Variants in ASIC2 observed in about 807,000 individuals in gnomAD.
The protein encoded by ASIC2 is acid-sensing ion channel 2.
A neutral mutation model predicts 57.3 loss-of-function variants in ASIC2; 25 were observed. The observed-to-expected ratio is 0.44, with a 90% CI of 0.32 to 0.61. ASIC2 has a LOEUF of 0.61. Among genes scored for constraint, ASIC2 ranks in the 20% least tolerant of loss-of-function variants. The pLI is 0.06. For missense variants in ASIC2, 641 were observed against 738.1 expected (o/e 0.87, Z 1.52); for synonymous variants, 319 against 307.5 (o/e 1.04, Z -0.39).
rs373050988 is a variant in ASIC2 at position 34,039,271 on chromosome 17, ATC to A, written c.555+116705_555+116706del. On this transcript the variant is annotated intron_variant, in intron 1 of 9. Transcript: ENST00000359872. ...CTGGGTCTGTCTGTGCTGGATGGAG[ATC>A]TGTTTTTGGGAGCTGCAGGAATGCT... 2.3e-4 allele frequency: 373 copies of A among 1,613,516 alleles called. 1 individual carries two copies. The African/African-American group carries it at 4.6e-3, about 20-fold the overall frequency.
chr17:33,890,081 T>C (rs1021714650), intron 1 of ASIC2, among the ~76,000 whole-genome samples: 1 of 152,196 alleles, frequency 6.6e-6, no homozygotes, highest in Non-Finnish European at 1.5e-5. Context: ...CCACAAGTCG[T>C]TATTTAAATT....
chr17:33,494,646 A>G (rs960104797), intron 1 of ASIC2, among the ~76,000 whole-genome samples: 1 of 152,158 alleles, frequency 6.6e-6, no homozygotes, highest in Non-Finnish European at 1.5e-5. Flanking sequence ...GGTCACACTG[A>G]GGTAGGAGCA....
At chr17:33,351,100 A>G (rs1209067731) in intron 1 of ASIC2, among the ~76,000 whole-genome samples, 1 of 152,206 alleles carries the variant, frequency 6.6e-6, no homozygotes, top group Non-Finnish European at 1.5e-5. Flanking sequence ...TTGCTTATCA[A>G]ATATGTGACT....
chr17:33,737,838 G>A (rs576110998), intron 1 of ASIC2, among the ~76,000 whole-genome samples: 11 of 152,340 alleles, frequency 7.2e-5, no homozygotes, highest in Non-Finnish European at 1.3e-4. Context: ...AAAGTAACTT[G>A]TGAGTAGGAA....
At chr17:34,064,113 C>T (rs1909076108) in intron 1 of ASIC2, among the ~76,000 whole-genome samples, 2 of 152,172 alleles carry the variant, frequency 1.3e-5, no homozygotes, top group African/African-American at 4.8e-5. Flanking sequence ...ATCACACTAC[C>T]TGATTTCAAA....
intron 1 of ASIC2, among the ~76,000 whole-genome samples, chr17:33,596,995 C>T (rs1216052153): frequency 1.3e-5 from 2 of 152,220 alleles, no homozygotes; most frequent in Middle Eastern, 3.2e-3. Flanking sequence ...ACAGCTGGTG[C>T]TCTACAAACA....
intron 1 of ASIC2, among the ~76,000 whole-genome samples, chr17:33,630,106 GT>G (rs1906112982): frequency 6.6e-6 from 1 of 152,146 alleles, no homozygotes; most frequent in Non-Finnish European, 1.5e-5. Context: ...CCCCAGGGAT[GT>G]TTCTGCAACT....
upstream of ASIC2, among the ~76,000 whole-genome samples, chr17:33,295,614 T>C (rs1201934054): frequency 6.6e-6 from 1 of 152,214 alleles, no homozygotes; most frequent in African/African-American, 2.4e-5. Flanking sequence ...TGTCCAAGCC[T>C]TTCTGCTGGA....
intron 1 of ASIC2, among the ~76,000 whole-genome samples, chr17:33,913,569 G>A (rs1394780941): frequency 6.6e-6 from 1 of 152,044 alleles, no homozygotes; most frequent in Admixed American, 6.6e-5. Flanking sequence ...ACTACCATTA[G>A]CTTGATCTAC....
intron 1 of ASIC2, among the ~76,000 whole-genome samples, chr17:33,185,493 T>G (rs1279965271): frequency 6.6e-6 from 1 of 151,912 alleles, no homozygotes; most frequent in East Asian, 1.9e-4. Context: ...AACAAACAAA[T>G]CGTAGGTGAG....
At chr17:33,641,142 C>T (rs1440387555) in intron 1 of ASIC2, among the ~76,000 whole-genome samples, 2 of 152,142 alleles carry the variant, frequency 1.3e-5, no homozygotes, top group Non-Finnish European at 2.9e-5. Context: ...ATGGAGACAT[C>T]TGTTCCCTTG....
chr17:33,338,871 T>A (rs1219399659), intron 1 of ASIC2, among the ~76,000 whole-genome samples: 1 of 152,216 alleles, frequency 6.6e-6, no homozygotes, highest in Non-Finnish European at 1.5e-5. Flanking sequence ...ATATGTAGCA[T>A]CTAGAGTAGT....
chr17:33,131,737 G>T (rs1026551733), intron 1 of ASIC2: 6 of 152,390 alleles, frequency 3.9e-5, no homozygotes, highest in African/African-American at 1.4e-4. Context: ...ACCATGAGTG[G>T]CCATTGTTGG....
In ASIC2 at chr17:33,984,988, G is replaced by A. The variant is rs184301544; in HGVS notation, c.555+170990C>T. Among the ~76,000 whole-genome samples the A allele has an allele frequency of 7.9e-5, 12 of 152,308 alleles. No homozygotes were observed. The East Asian group carries it at 1.2e-3, about 15-fold the overall frequency. ...TGAAAGGAAAGACATTCTAAAAGGT[G>A]GAAAGAAAGTGGCATTTGGGGACTG... On this transcript the variant is annotated intron_variant, in intron 1 of 9. Coordinates refer to the ASIC2 transcript ENST00000359872.
intron 1 of ASIC2, among the ~76,000 whole-genome samples, chr17:33,452,655 A>G (rs1005394336): frequency 3.3e-5 from 5 of 151,556 alleles, no homozygotes; most frequent in African/African-American, 1.2e-4. Flanking sequence ...CACGACCTCT[A>G]TTCTGTGCCA....
intron 2 of ASIC2, among the ~76,000 whole-genome samples, chr17:33,104,423 C>G (rs914812087): frequency 1.1e-4 from 16 of 152,166 alleles, no homozygotes; most frequent in African/African-American, 3.1e-4. Context: ...TGGAACCAAC[C>G]AGCACTTTTA....
intron 1 of ASIC2, among the ~76,000 whole-genome samples, chr17:33,935,037 G>A (rs1170516293): frequency 1.3e-5 from 2 of 152,188 alleles, no homozygotes; most frequent in African/African-American, 4.8e-5. Context: ...AGGGCCCTGG[G>A]CAGCCTGTCC....
chr17:33,546,126 A>T (rs725275), intron 1 of ASIC2, among the ~76,000 whole-genome samples: 8,832 of 150,284 alleles, frequency 0.059, 512 homozygotes, highest in East Asian at 0.29. Flanking sequence ...TATATATGTA[A>T]ATATATATAC....
intron 1 of ASIC2, among the ~76,000 whole-genome samples, chr17:33,570,870 G>C (rs1179486780): frequency 2.0e-5 from 3 of 152,102 alleles, no homozygotes; most frequent in African/African-American, 4.8e-5. Context: ...AATGTGGCAG[G>C]CTGGGAGTTC....
Sources: allele counts gnomAD v4.1 joint callset (sites outside exome capture counted in the v4.1 genomes callset), GRCh38; gene constraint gnomAD v4.1.1; transcripts MANE v1.5; gene names NCBI Gene and HGNC (gene_info 2026-07-23, HGNC 2026-07-21).